The following TARS3 variants were observed in gnomAD, a reference collection of about 807,000 sequenced individuals.
TARS3 encodes the protein threonyl-tRNA synthetase 3.
TARS3 carries 94 observed loss-of-function variants against 103.5 expected under a neutral mutation model. The observed-to-expected ratio is 0.91, with a 90% CI of 0.77 to 1.08. TARS3 has a LOEUF of 1.08. Ranked by LOEUF, TARS3 falls within the 50% of genes least tolerant of loss-of-function variation. The pLI, the probability that TARS3 is intolerant of heterozygous loss-of-function variation, is 0.00. For synonymous variants in TARS3, 416 were observed against 355.4 expected (o/e 1.17, Z -1.92); for missense variants, 952 against 995.2 (o/e 0.96, Z 0.58).
chr15:101,714,821 C>G lies in TARS3; in HGVS notation c.690+19G>C. On this transcript the variant is annotated intron_variant, in intron 4 of 18. Transcript: ENST00000335968. ...ACATAACTACCCAAAGTTTGGCTGT[C>G]TGGTTTTTAAATACTCACAGCTTGA... 6.3e-7 allele frequency: 1 copy of G among 1,595,418 alleles called. No individual in the cohort carries two copies. The highest frequency in any genetic ancestry group is 8.5e-7 in the Non-Finnish European group (1 of 1,169,978).
At chr15:101,711,141 T>C (rs936271270) in intron 5 of TARS3, among the ~76,000 whole-genome samples, 2 of 152,192 alleles carry the variant, frequency 1.3e-5, no homozygotes, top group African/African-American at 4.8e-5. Flanking sequence ...CTAGCCTCTC[T>C]CTAGGAATTA....
Position 101,657,864 on chromosome 15 carries a change from AAT to A in TARS3, c.2073-9_2073-8del. 4 of 1,546,130 alleles carry A rather than the reference AAT, an allele frequency of 2.6e-6. No individual in the cohort carries two copies. The highest frequency in any genetic ancestry group is 3.5e-6 in the Non-Finnish European group (4 of 1,134,010). On this transcript the variant is annotated splice_polypyrimidine_tract_variant and splice_region_variant and intron_variant, in intron 16 of 18. Coordinates refer to ENST00000335968, the MANE Select transcript of TARS3 (RefSeq NM_152334.3). ...AGGAGATAGCCAGAAAGGCCTGAAA[AAT>A]ATATATAAAATATGTATTTTCAAAG...
At chr15:101,693,645 A>C (rs1898835099) in intron 10 of TARS3, among the ~76,000 whole-genome samples, 1 of 152,196 alleles carries the variant, frequency 6.6e-6, no homozygotes, top group African/African-American at 2.4e-5. Flanking sequence ...AGCTGAAAAC[A>C]ACCCAAATGC....
At chr15:101,670,098 T>C (rs977191512) in intron 15 of TARS3, among the ~76,000 whole-genome samples, 4 of 152,200 alleles carry the variant, frequency 2.6e-5, no homozygotes, top group African/African-American at 9.7e-5. Context: ...TCATGGCCTG[T>C]ACTTAGGCAG....
intron 10 of TARS3, among the ~76,000 whole-genome samples, chr15:101,700,373 T>C (rs1567345519): frequency 6.6e-6 from 1 of 152,216 alleles, no homozygotes; most frequent in Non-Finnish European, 1.5e-5. Context: ...CTGGGAGTCA[T>C]GCTATAGGCA....
rs1013419516 is a variant in TARS3 at position 101,717,634 on chromosome 15, T to G, written c.567-2671A>C. On this transcript the variant is annotated intron_variant, in intron 3 of 18. Transcript: ENST00000335968. Reference sequence around the variant, plus strand: ...TTCTCCAACCTCTCTCCACCTTCTGTAGATGGGAACCCATGTGCTATTCTT... The same window carrying G: ...TTCTCCAACCTCTCTCCACCTTCTGGAGATGGGAACCCATGTGCTATTCTT... 5.3e-5 allele frequency among the ~76,000 whole-genome samples: 8 copies of G among 152,186 alleles called. No individual in the cohort carries two copies. The East Asian group carries it at 1.5e-3, about 29-fold the overall frequency.
intron 1 of TARS3, among the ~76,000 whole-genome samples, 164 bp downstream of exon 1, chr15:101,723,927 A>T (rs1900620374): frequency 6.8e-6 from 1 of 146,438 alleles, no homozygotes; most frequent in African/African-American, 2.5e-5. Context: ...TCCCCAGGCC[A>T]CACGGGACCA....
intron 3 of TARS3, among the ~76,000 whole-genome samples, chr15:101,715,378 C>T (rs2141452231): frequency 6.6e-6 from 1 of 152,090 alleles, no homozygotes. Flanking sequence ...GATCTCCTGA[C>T]CTCGTGATCC....
At chr15:101,666,281 G>C (rs1567324834) in intron 15 of TARS3, among the ~76,000 whole-genome samples, 1 of 151,934 alleles carries the variant, frequency 6.6e-6, no homozygotes, top group African/African-American at 2.4e-5. Flanking sequence ...TTCGAGACCA[G>C]CCTGGCCAAC....
At chr15:101,659,340 T>G (rs28391620) in intron 16 of TARS3, among the ~76,000 whole-genome samples, 13,922 of 152,190 alleles carry the variant, frequency 0.091, 712 homozygotes, top group South Asian at 0.18. Context: ...CAATACATGA[T>G]AAATGGTAGA....
intron 15 of TARS3, among the ~76,000 whole-genome samples, chr15:101,667,502 T>C (rs896538784): frequency 1.3e-5 from 2 of 152,208 alleles, no homozygotes; most frequent in Non-Finnish European, 2.9e-5. Flanking sequence ...CTTAGCTAGA[T>C]CTTCTGGATA....
rs140031648 is a variant in TARS3, at chr15:101,716,566, G to A, written c.567-1603C>T. Among the ~76,000 whole-genome samples the A allele has an allele frequency of 2.8e-3, 430 of 152,284 alleles. 2 individuals are homozygous for A. Among genetic ancestry groups the A allele is most frequent in the Non-Finnish European group, 4.3e-3 (293 of 68,026 alleles). On this transcript the variant is annotated intron_variant, in intron 3 of 18. Transcript: ENST00000335968. ...CAAAACGTGATATTTAATAGTCACA[G>A]AGGAACCAATATTTGCTAGGCATTT...
intron 8 of TARS3, among the ~76,000 whole-genome samples, chr15:101,703,424 G>T (rs1457665546): frequency 6.6e-6 from 1 of 151,872 alleles, no homozygotes; most frequent in Non-Finnish European, 1.5e-5. Flanking sequence ...ACCCCATCTC[G>T]ACTAAAAATA....
At chr15:101,699,290 C>T (rs1567344757) in intron 10 of TARS3, 1 of 381,322 alleles carries the variant, frequency 2.6e-6, no homozygotes, top group South Asian at 1.9e-5. Context: ...CAAATATTCC[C>T]ATTCCAAGCC....
rs80072551 is a variant in TARS3, at chr15:101,657,098, G to A, written c.2146-62C>T. 1,324 of 1,086,780 alleles carry A rather than the reference G, an allele frequency of 1.2e-3. 7 individuals are homozygous for A. Among genetic ancestry groups the A allele is most frequent in the Middle Eastern group, 4.7e-3 (24 of 5,082 alleles). 67.3% of individuals were successfully genotyped at this position (1,086,780 alleles called of 1,614,324 possible). A position where few individuals can be genotyped will look rare whatever the true frequency, so the allele number is the denominator to read the frequency against. The stretch of plus-strand genomic sequence containing the variant: ...GGTACCTAGCCTCCAAGAAGACCCC[G>A]TTGTTCCCCACTCTTGGTATTCACA... On this transcript the variant is annotated intron_variant, in intron 17 of 18. Coordinates refer to ENST00000335968, the MANE Select transcript of TARS3 (RefSeq NM_152334.3).
chr15:101,676,165 C>A (rs1364334778), intron 12 of TARS3, among the ~76,000 whole-genome samples: 1 of 152,160 alleles, frequency 6.6e-6, no homozygotes, highest in Non-Finnish European at 1.5e-5. Flanking sequence ...GGCAGAGGGG[C>A]AGTGTGGTAG....
intron 13 of TARS3, among the ~76,000 whole-genome samples, chr15:101,674,518 A>C (rs941060747): frequency 6.6e-6 from 1 of 152,190 alleles, no homozygotes; most frequent in African/African-American, 2.4e-5. Context: ...ACAGTGCATG[A>C]ACAGTGCTTA....
intron 15 of TARS3, among the ~76,000 whole-genome samples, chr15:101,664,811 T>C (rs1476590525): frequency 6.6e-6 from 1 of 152,140 alleles, no homozygotes. Context: ...ACACAAATGA[T>C]GGAATTACCA....
At chr15:101,704,766 T>C (rs1353847362) in intron 7 of TARS3, among the ~76,000 whole-genome samples, 1 of 152,118 alleles carries the variant, frequency 6.6e-6, no homozygotes, top group African/African-American at 2.4e-5. Context: ...GTGTCAATGT[T>C]GACGTAAGTA....
Sources: allele counts gnomAD v4.1 joint callset (sites outside exome capture counted in the v4.1 genomes callset), GRCh38; gene constraint gnomAD v4.1.1; transcripts MANE v1.5; gene names NCBI Gene and HGNC (gene_info 2026-07-23, HGNC 2026-07-21).